The following ZDHHC17 variants were observed in gnomAD, a reference collection of about 807,000 sequenced individuals.
The protein encoded by ZDHHC17 is palmitoyltransferase ZDHHC17.
In ZDHHC17, 40 loss-of-function variants were observed where a neutral mutation model predicts 90.3. The observed-to-expected ratio is 0.44, with a 90% confidence interval of 0.34 to 0.58. The LOEUF (loss-of-function observed/expected upper bound fraction) is 0.58, where lower values mean the gene tolerates loss of function less well. ZDHHC17 is among the 20% of genes least tolerant of loss of function. The pLI is 0.01. For missense variants in ZDHHC17, 614 were observed against 780.8 expected (o/e 0.79, Z 2.55); for synonymous variants, 235 against 252.4 (o/e 0.93, Z 0.65).
chr12:76,795,054 C>T (rs1180501954), intron 1 of ZDHHC17, among the ~76,000 whole-genome samples: 1 of 152,088 alleles, frequency 6.6e-6, no homozygotes, highest in African/African-American at 2.4e-5. Context: ...TTTTTCTTCT[C>T]TACTTTGTCT....
At chr12:76,824,926 G>A (rs931284489) in intron 8 of ZDHHC17, among the ~76,000 whole-genome samples, 1 of 151,694 alleles carries the variant, frequency 6.6e-6, no homozygotes, top group Non-Finnish European at 1.5e-5. Context: ...TTAAGTAAAA[G>A]GATTTTAAAT....
chr12:76,831,303 ATTTT>A (rs906148484), intron 10 of ZDHHC17, among the ~76,000 whole-genome samples: 1 of 151,148 alleles, frequency 6.6e-6, no homozygotes, highest in East Asian at 1.9e-4. Flanking sequence ...TGGATTCACA[ATTTT>A]TTTTTGTTTT....
At chr12:76,814,211 A>G (rs1476907472) in intron 5 of ZDHHC17, among the ~76,000 whole-genome samples, 1 of 151,948 alleles carries the variant, frequency 6.6e-6, no homozygotes, top group Non-Finnish European at 1.5e-5. Context: ...GGAGAATTAG[A>G]TAACTAGGAA....
rs567137501 is a variant in ZDHHC17 at position 76,827,172 on chromosome 12, C to A, written c.1040+122C>A. On this transcript the variant is annotated intron_variant, in intron 9 of 16. Coordinates refer to ENST00000426126, the MANE Select transcript of ZDHHC17 (RefSeq NM_015336.4). ...TCTTAATTTATTTAAATAATTTAGA[C>A]ATCTGTATGTGAAATATGAGATTTT... The A allele has an allele frequency of 3.7e-5, 41 of 1,123,230 alleles. 1 individual carries two copies. The South Asian group carries it at 8.7e-4, about 24-fold the overall frequency. 69.6% of individuals were successfully genotyped at this position (1,123,230 alleles called of 1,614,324 possible). A position where few individuals can be genotyped will look rare whatever the true frequency, so the allele number is the denominator to read the frequency against.
intron 1 of ZDHHC17, 158 bp downstream of exon 1, chr12:76,764,487 GGATAACGGGGGAGGA>G: frequency 1.5e-6 from 1 of 674,818 alleles, no homozygotes; most frequent in Non-Finnish European, 2.5e-6. Flanking sequence ...GGCTGCGAGC[GGATAACGGGGGAGGA>G]GATAGCGGGG....
In ZDHHC17 at chr12:76,764,265, A is replaced by G; in HGVS notation, c.29A>G (p.Lys10Arg). 6.2e-7 allele frequency: 1 copy of G among 1,606,740 alleles called. No homozygotes were observed. The highest frequency in any genetic ancestry group is 1.1e-5 in the South Asian group (1 of 89,330). Residue 10 changes from lysine (K) to arginine (R), a missense_variant, in exon 1 of 17, where the codon AAG becomes AGG. Coordinates refer to ENST00000426126, the MANE Select transcript of ZDHHC17 (RefSeq NM_015336.4). Reference protein sequence around the residue: MQREEGFNTKMADGPDEYDT... With the variant: MQREEGFNTRMADGPDEYDT... The stretch of plus-strand genomic sequence containing the variant: ...CAGCGGGAGGAGGGATTTAACACCA[A>G]GATGGCGGACGGCCCGGATGAGTAC...
intron 14 of ZDHHC17, 110 bp downstream of exon 14, chr12:76,846,789 T>C (rs1327849262): frequency 3.1e-5 from 28 of 912,494 alleles, no homozygotes; most frequent in Non-Finnish European, 3.4e-6. Flanking sequence ...ACTAAAATTA[T>C]GGTTTGGACA....
chr12:76,764,659 A>G (rs576569211), intron 1 of ZDHHC17: 3 of 512,976 alleles, frequency 5.8e-6, no homozygotes, highest in East Asian at 4.4e-5. Context: ...ACCGCAGCTT[A>G]GACCCTAGTC....
intron 11 of ZDHHC17, 93 bp downstream of exon 11, chr12:76,842,199 T>G (rs1953443923): frequency 7.7e-7 from 1 of 1,292,974 alleles, no homozygotes; most frequent in South Asian, 2.2e-5. Context: ...AACTATCGTT[T>G]AGAATGTAAA....
chr12:76,784,446 A>G (rs1206330825), intron 1 of ZDHHC17, among the ~76,000 whole-genome samples: 1 of 152,232 alleles, frequency 6.6e-6, no homozygotes. Context: ...AGAAATCAGC[A>G]GTATATAAAT....
At chr12:76,781,691 A>G in intron 1 of ZDHHC17, 2 of 456,022 alleles carry the variant, frequency 4.4e-6, no homozygotes, top group Middle Eastern at 6.6e-4. Flanking sequence ...ACTGTAAGAA[A>G]TACTTTATTT....
intron 1 of ZDHHC17, among the ~76,000 whole-genome samples, chr12:76,795,711 T>G (rs527642539): frequency 2.0e-5 from 3 of 152,282 alleles, no homozygotes; most frequent in African/African-American, 7.2e-5. Flanking sequence ...ATTAAATGGA[T>G]AAGTCTTATG....
chr12:76,825,267 G>T (rs143860260), intron 8 of ZDHHC17, among the ~76,000 whole-genome samples: 158 of 152,264 alleles, frequency 1.0e-3, no homozygotes, highest in African/African-American at 3.3e-3. Flanking sequence ...TATTACAACT[G>T]TGTGTGAATC....
chr12:76,816,700 A>T (rs207473115), intron 7 of ZDHHC17, among the ~76,000 whole-genome samples: 1 of 151,996 alleles, frequency 6.6e-6, no homozygotes, highest in Non-Finnish European at 1.5e-5. Flanking sequence ...GGATCAGGGT[A>T]TCTCTTTATG....
At position 76,815,177 on chromosome 12, in the gene ZDHHC17, C is replaced by T. The variant is rs763263581; in HGVS notation, c.575C>T (p.Thr192Met). The T allele has an allele frequency of 8.3e-6, 13 of 1,567,222 alleles. No homozygotes were observed. The highest frequency in any genetic ancestry group is 6.9e-5 in the East Asian group (3 of 43,184). Residue 192 changes from threonine to methionine, a missense_variant, in exon 6 of 17, where the codon ACG (threonine) becomes ATG (methionine). Transcript: ENST00000426126. ...DVDMMDQNGM[T>M]PLMWAAYRTH... ...GATATGATGGATCAGAATGGAATGACGCCTTTAATGTGGGCAGCATATAGA... is the reference window on the plus strand; with the variant it reads ...GATATGATGGATCAGAATGGAATGATGCCTTTAATGTGGGCAGCATATAGA...
intron 1 of ZDHHC17, among the ~76,000 whole-genome samples, chr12:76,771,226 AT>A (rs1473679346): frequency 6.6e-6 from 1 of 152,172 alleles, no homozygotes; most frequent in Admixed American, 6.5e-5. Flanking sequence ...TTCTTTTAAA[AT>A]TTTCTTAAAG....
chr12:76,809,664 T>C (rs779350150), intron 4 of ZDHHC17, 49 bp from the exon 5 acceptor site: 1 of 1,341,676 alleles, frequency 7.5e-7, no homozygotes, highest in Admixed American at 3.5e-5. Flanking sequence ...CAGAGGATCC[T>C]GTTTGAAATA....
chr12:76,851,311 T>C lies in ZDHHC17; in HGVS notation c.*326T>C, dbSNP rs1036197748. The C allele has an allele frequency of 9.2e-5, 27 of 292,522 alleles. 1 individual carries two copies. Among genetic ancestry groups the C allele is most frequent in the South Asian group, 8.9e-4 (25 of 27,978 alleles). The allele number at this position is 292,522 out of a possible 1,614,324, so 18.1% of individuals were successfully genotyped here. A position where few individuals can be genotyped will look rare whatever the true frequency, so the allele number is the denominator to read the frequency against. On this transcript the variant is annotated 3_prime_UTR_variant, in exon 17 of 17. Coordinates refer to ENST00000426126, the MANE Select transcript of ZDHHC17 (RefSeq NM_015336.4). ...GGTAAACTTATTCTATTGACAGACATGGTGTACTGATCAGAAATGTTCAGT... is the reference window on the plus strand; with the variant it reads ...GGTAAACTTATTCTATTGACAGACACGGTGTACTGATCAGAAATGTTCAGT...
chr12:76,797,561 T>C (rs779715244), intron 2 of ZDHHC17, 24 bp downstream of exon 2: 1 of 1,521,806 alleles, frequency 6.6e-7, no homozygotes, highest in South Asian at 1.3e-5. Flanking sequence ...TGTAGTTGTT[T>C]TCTTTGGCAT....
Sources: gnomAD v4.1 joint callset for allele counts (sites outside exome capture counted in the v4.1 genomes callset) on GRCh38, gnomAD v4.1.1 for gene constraint, MANE v1.5 for transcripts, NCBI Gene and HGNC (gene_info 2026-07-23, HGNC 2026-07-21) for gene names.